COLEC10: variants seen among roughly 807,000 people sequenced by gnomAD.
The protein encoded by COLEC10 is collectin-10.
COLEC10 carries 22 observed loss-of-function variants against 28.4 expected under a neutral mutation model. That is an observed-to-expected ratio of 0.78 (90% CI 0.55 to 1.11). The LOEUF is 1.11. Among genes scored for constraint, COLEC10 ranks in the 50% least tolerant of loss-of-function variants. The pLI is 0.00. For missense variants in COLEC10, 361 were observed against 344.1 expected, an observed-to-expected ratio of 1.05 and a Z score of -0.39; for synonymous variants, 125 against 116.1, an observed-to-expected ratio of 1.08 and a Z score of -0.49.
chr8:119,015,429 T>C (rs1813974359), intron 2 of COLEC10, among the ~76,000 whole-genome samples: 1 of 147,882 alleles, frequency 6.8e-6, no homozygotes, highest in South Asian at 2.1e-4. Context: ...GGTTGAATAG[T>C]TTCTGCTGAA....
intron 4 of COLEC10, 94 bp downstream of exon 4, chr8:119,102,495 CT>C: frequency 9.5e-7 from 1 of 1,050,210 alleles, no homozygotes; most frequent in Non-Finnish European, 1.4e-6. Flanking sequence ...AGCAAGAGTC[CT>C]TTTAGTATGC....
the COLEC10 span, among the ~76,000 whole-genome samples, chr8:118,979,952 T>C: frequency 6.6e-6 from 1 of 152,096 alleles, no homozygotes; most frequent in African/African-American, 2.4e-5. Flanking sequence ...TCTCAGTTTC[T>C]TGTCTTTCAT....
the COLEC10 span, among the ~76,000 whole-genome samples, chr8:118,972,549 C>A: frequency 6.6e-6 from 1 of 151,910 alleles, no homozygotes; most frequent in East Asian, 1.9e-4. Context: ...AATTTCCAAC[C>A]TGTACCCTCA....
chr8:119,001,523 C>T (rs568154978), intron 1 of COLEC10, among the ~76,000 whole-genome samples: 111 of 152,250 alleles, frequency 7.3e-4, no homozygotes, highest in African/African-American at 2.6e-3. Context: ...CATGATGCAA[C>T]TTTGTGGCAG....
chr8:118,955,114 T>C, the COLEC10 span, among the ~76,000 whole-genome samples: 1 of 152,204 alleles, frequency 6.6e-6, no homozygotes, highest in Non-Finnish European at 1.5e-5. Flanking sequence ...GAAGTTTTAT[T>C]CTGATTTTAT....
rs1815942317 is a variant in COLEC10, at chr8:119,106,301, G to A, written c.*110G>A. 1 of 1,182,698 alleles carries A rather than the reference G, an allele frequency of 8.5e-7. No individual in the cohort carries two copies. The highest frequency in any genetic ancestry group is 1.2e-6 in the Non-Finnish European group (1 of 843,256). The allele number at this position is 1,182,698 out of a possible 1,614,324, so 73.3% of individuals were successfully genotyped here. A position where few individuals can be genotyped will look rare whatever the true frequency, so the allele number is the denominator to read the frequency against. On this transcript the variant is annotated 3_prime_UTR_variant, in exon 6 of 6. Coordinates refer to ENST00000332843, the MANE Select transcript of COLEC10 (RefSeq NM_006438.5). ...CATTTGATCTGAGTCAACATAGCTA[G>A]AAAATGCTAAACTGAGGTATGGAGC...
intron 2 of COLEC10, among the ~76,000 whole-genome samples, chr8:119,017,667 A>C (rs1377786679): frequency 6.6e-6 from 1 of 152,136 alleles, no homozygotes; most frequent in African/African-American, 2.4e-5. Context: ...GAGCTCCTAC[A>C]TCACTATGCA....
the COLEC10 span, among the ~76,000 whole-genome samples, chr8:118,952,483 G>A: frequency 6.6e-6 from 1 of 152,196 alleles, no homozygotes; most frequent in Non-Finnish European, 1.5e-5. Context: ...GCCCTTTTCG[G>A]GGAGTTCGCA....
At chr8:119,066,074 T>C (rs910004447), upstream of COLEC10, among the ~76,000 whole-genome samples, 1 of 152,142 alleles carries the variant, frequency 6.6e-6, no homozygotes, top group African/African-American at 2.4e-5. Flanking sequence ...CTAATGCACC[T>C]GTATTTCTTG....
At chr8:118,966,670 T>G in the COLEC10 span, among the ~76,000 whole-genome samples, 4 of 149,732 alleles carry the variant, frequency 2.7e-5, no homozygotes, top group Non-Finnish European at 5.9e-5. Flanking sequence ...TGGATGAAAA[T>G]GTTCCATGTT....
At chr8:119,087,808 T>C (rs1815510964) in intron 1 of COLEC10, among the ~76,000 whole-genome samples, 1 of 152,062 alleles carries the variant, frequency 6.6e-6, no homozygotes, top group Non-Finnish European at 1.5e-5. Context: ...GAAACGTACA[T>C]GTTGTGGAAT....
intron 2 of COLEC10, among the ~76,000 whole-genome samples, chr8:119,055,622 A>G (rs888754575): frequency 4.1e-4 from 62 of 152,212 alleles, no homozygotes; most frequent in African/African-American, 1.5e-3. Flanking sequence ...TTAATCAGCT[A>G]TTTGTCTTAG....
chr8:119,065,702 C>CA (rs1158923304), upstream of COLEC10, among the ~76,000 whole-genome samples: 1 of 151,362 alleles, frequency 6.6e-6, no homozygotes, highest in African/African-American at 2.4e-5. Flanking sequence ...ACTAAAAATA[C>CA]AAAAAATTAG....
At chr8:119,022,278 A>G (rs1395885742) in intron 2 of COLEC10, among the ~76,000 whole-genome samples, 1 of 152,140 alleles carries the variant, frequency 6.6e-6, no homozygotes, top group Non-Finnish European at 1.5e-5. Context: ...ATAGAAAACA[A>G]AGAGACTGAG....
chr8:119,088,780 A>G (rs1439125697), intron 1 of COLEC10, among the ~76,000 whole-genome samples: 1 of 152,206 alleles, frequency 6.6e-6, no homozygotes, highest in East Asian at 1.9e-4. Context: ...CTATCCCCAC[A>G]TTTAGGAAAG....
At chr8:119,042,311 AATGTG>A (rs1271721806) in intron 2 of COLEC10, among the ~76,000 whole-genome samples, 8 of 152,114 alleles carry the variant, frequency 5.3e-5, no homozygotes, top group Non-Finnish European at 8.8e-5. Context: ...GCAATTGTTA[AATGTG>A]TCTCTGGCAT....
intron 2 of COLEC10, among the ~76,000 whole-genome samples, chr8:119,014,701 C>T (rs1813958222): frequency 6.6e-6 from 1 of 150,902 alleles, no homozygotes; most frequent in African/African-American, 2.5e-5. Context: ...AGATGTGTTA[C>T]ACCTTTTGTA....
At chr8:119,105,728 C>T in intron 5 of COLEC10, 72 bp from the exon 6 acceptor site, 2 of 1,270,304 alleles carry the variant, frequency 1.6e-6, no homozygotes, top group Non-Finnish European at 2.2e-6. Context: ...GTAAATCTGG[C>T]AATATCATAT....
intron 2 of COLEC10, among the ~76,000 whole-genome samples, chr8:119,036,978 C>T (rs1814400627): frequency 6.6e-6 from 1 of 152,076 alleles, no homozygotes; most frequent in South Asian, 2.1e-4. Context: ...TTGGCTAAAA[C>T]CAAGCAGAAG....
Sources: gnomAD v4.1 joint callset for allele counts (sites outside exome capture counted in the v4.1 genomes callset) on GRCh38, gnomAD v4.1.1 for gene constraint, MANE v1.5 for transcripts, NCBI Gene and HGNC (gene_info 2026-07-23, HGNC 2026-07-21) for gene names.